HLCS: variants seen among roughly 807,000 people sequenced by gnomAD.
HLCS encodes holocarboxylase synthetase.
Under a neutral mutation model 75.0 loss-of-function variants are expected in HLCS, and 53 were observed. The observed-to-expected ratio is 0.71, with a 90% CI of 0.57 to 0.89. The LOEUF (loss-of-function observed/expected upper bound fraction) is 0.89. Ranked by LOEUF, HLCS falls within the 40% of genes least tolerant of loss-of-function variation. HLCS has a pLI of 0.00. For synonymous variants in HLCS, 431 were observed against 428.6 expected (o/e 1.01, Z -0.07); for missense variants, 966 against 1,074.0 (o/e 0.90, Z 1.41).
At chr21:36,843,042 A>G (rs1355940973) in intron 6 of HLCS, among the ~76,000 whole-genome samples, 1 of 152,242 alleles carries the variant, frequency 6.6e-6, no homozygotes, top group Non-Finnish European at 1.5e-5. Context: ...TATGGAAGGA[A>G]TCTTCAGGTA....
At chr21:36,800,405 G>A (rs1001611479) in intron 6 of HLCS, among the ~76,000 whole-genome samples, 1 of 152,164 alleles carries the variant, frequency 6.6e-6, no homozygotes, top group African/African-American at 2.4e-5. Flanking sequence ...CTGTGACCAA[G>A]CTCTCCATCA....
chr21:36,799,676 C>T (rs1005413655), intron 6 of HLCS, among the ~76,000 whole-genome samples: 3 of 152,154 alleles, frequency 2.0e-5, no homozygotes, highest in Non-Finnish European at 4.4e-5. Context: ...CACATACTTT[C>T]GTCGGCCTGT....
chr21:36,980,239 A>G (rs2069080043), intron 1 of HLCS: 2 of 151,858 alleles, frequency 1.3e-5, no homozygotes, highest in Admixed American at 1.3e-4. Context: ...CCACAGGGCT[A>G]GTATGTTACT....
intron 6 of HLCS, among the ~76,000 whole-genome samples, chr21:36,795,033 T>C (rs2060985492): frequency 6.6e-6 from 1 of 151,948 alleles, no homozygotes; most frequent in Admixed American, 6.6e-5. Flanking sequence ...GATATTCATT[T>C]GGGAATCATT....
intron 2 of HLCS, among the ~76,000 whole-genome samples, chr21:36,961,039 A>T (rs1446311563): frequency 6.6e-6 from 1 of 152,224 alleles, no homozygotes; most frequent in Non-Finnish European, 1.5e-5. Context: ...CTAACAATTT[A>T]GGGAGTGCTG....
At chr21:36,879,976 A>C (rs955130151) in intron 6 of HLCS, among the ~76,000 whole-genome samples, 2 of 151,716 alleles carry the variant, frequency 1.3e-5, no homozygotes, top group Non-Finnish European at 2.9e-5. Flanking sequence ...GAAATTGCCC[A>C]GTATCTGGTG....
intron 6 of HLCS, among the ~76,000 whole-genome samples, chr21:36,841,154 A>G (rs981855200): frequency 2.0e-5 from 3 of 152,234 alleles, no homozygotes; most frequent in African/African-American, 7.2e-5. Context: ...TCTTACAGCC[A>G]TAAATTAAAG....
Position 36,877,304 on chromosome 21 carries a change from C to CT in HLCS, c.1892+19555dup, listed in dbSNP as rs199973188. On this transcript the variant is annotated intron_variant, in intron 6 of 10. Coordinates refer to ENST00000674895, the MANE Select transcript of HLCS (RefSeq NM_001352514.2). ...TTGGTTAATTTTTATTTTTTTCTCT[C>CT]TTTTTTTTGTGTGTGTTTCTAGTCC... Among the ~76,000 whole-genome samples the CT allele has an allele frequency of 4.7e-3, 716 of 151,306 alleles. 6 individuals are homozygous for CT. Among genetic ancestry groups the CT allele is most frequent in the African/African-American group, 0.016 (647 of 41,304 alleles).
chr21:36,776,941 T>A (rs990373020), intron 6 of HLCS, among the ~76,000 whole-genome samples: 2 of 152,376 alleles, frequency 1.3e-5, no homozygotes, highest in African/African-American at 4.8e-5. Flanking sequence ...ATAGGCTTTT[T>A]TATTTTTTTT....
At position 36,899,345 on chromosome 21, in the gene HLCS, C is replaced by T. The variant is rs139347434; in HGVS notation, c.1621-2214G>A. Among the ~76,000 whole-genome samples, 843 of 152,086 alleles carry T rather than the reference C, an allele frequency of 5.5e-3. 5 individuals are homozygous for T. Among genetic ancestry groups the T allele is most frequent in the African/African-American group, 0.015 (617 of 41,464 alleles). ...CTATTTAAAAATAATAAATTCAGGC[C>T]GGGCACAGTGGTTCACGCCTGTAAT... On this transcript the variant is annotated intron_variant, in intron 5 of 10. Transcript: ENST00000674895.
chr21:36,890,882 G>A (rs987952963), intron 6 of HLCS, among the ~76,000 whole-genome samples: 3 of 152,200 alleles, frequency 2.0e-5, no homozygotes, highest in Non-Finnish European at 4.4e-5. Context: ...ACTATCAGAA[G>A]GTATACTACT....
At position 36,937,330 on chromosome 21, in the gene HLCS, G is replaced by A. The variant is rs773247701; in HGVS notation, c.556C>T (p.Gln186Ter). 6.2e-7 allele frequency: 1 copy of A among 1,614,062 alleles called. No homozygotes were observed. Among genetic ancestry groups the A allele is most frequent in the East Asian group, 2.2e-5 (1 of 44,866 alleles). ...VKDQVSNKQAQILEPKPEPSL... is the reference protein window; with the variant it reads ...VKDQVSNKQA ...GGTTCAGGCTTCGGCTCTAGGATCTGGGCTTGCTTGTTTGAGACCTGATCC... is the reference window on the plus strand; with the variant it reads ...GGTTCAGGCTTCGGCTCTAGGATCTAGGCTTGCTTGTTTGAGACCTGATCC... Residue 186 changes from glutamine (Q) to a stop codon, truncating the protein, a stop_gained, in exon 4 of 11, where the codon CAG becomes TAG. Coordinates refer to ENST00000674895, the MANE Select transcript of HLCS (RefSeq NM_001352514.2). LOFTEE classifies it high-confidence loss of function.
intron 5 of HLCS, among the ~76,000 whole-genome samples, chr21:36,923,750 C>T (rs979526334): frequency 6.6e-6 from 1 of 152,146 alleles, no homozygotes; most frequent in African/African-American, 2.4e-5. Context: ...CACAGGAAAA[C>T]CCCCCAAGTA....
intron 6 of HLCS, among the ~76,000 whole-genome samples, chr21:36,773,728 C>T (rs2060276277): frequency 6.6e-6 from 1 of 152,150 alleles, no homozygotes; most frequent in Admixed American, 6.5e-5. Flanking sequence ...GAGAAGGGGG[C>T]CCCAGGCAGT....
chr21:36,801,027 G>A (rs1419247468), intron 6 of HLCS, among the ~76,000 whole-genome samples: 2 of 152,150 alleles, frequency 1.3e-5, no homozygotes, highest in Non-Finnish European at 2.9e-5. Context: ...GGCAACATTC[G>A]CCTGAATGGA....
intron 6 of HLCS, among the ~76,000 whole-genome samples, chr21:36,839,280 G>A (rs1030251408): frequency 3.3e-5 from 5 of 152,184 alleles, no homozygotes; most frequent in Admixed American, 6.5e-5. Context: ...AGTGGATACT[G>A]GATCCAGTCC....
intron 1 of HLCS, among the ~76,000 whole-genome samples, chr21:36,979,423 G>A (rs4816557): frequency 0.37 from 56,262 of 151,724 alleles, 10,484 homozygotes; most frequent in East Asian, 0.5. Context: ...TCCAGCCATG[G>A]GAACTAGCTC....
intron 6 of HLCS, among the ~76,000 whole-genome samples, chr21:36,880,548 G>T (rs2064164869): frequency 6.6e-6 from 1 of 151,994 alleles, no homozygotes; most frequent in Non-Finnish European, 1.5e-5. Context: ...TAAAAGAGAA[G>T]ATGCCATAGG....
At chr21:36,940,549 T>C (rs916820769) in intron 2 of HLCS, among the ~76,000 whole-genome samples, 1 of 152,118 alleles carries the variant, frequency 6.6e-6, no homozygotes, top group African/African-American at 2.4e-5. Flanking sequence ...TTTTAAATGC[T>C]AGATAAAATA....
Sources: allele counts gnomAD v4.1 joint callset (sites outside exome capture counted in the v4.1 genomes callset), GRCh38; gene constraint gnomAD v4.1.1; transcripts MANE v1.5; gene names NCBI Gene and HGNC (gene_info 2026-07-23, HGNC 2026-07-21).